GNAI3: variants seen among roughly 807,000 people sequenced by gnomAD.
GNAI3 encodes the protein G protein subunit alpha i3, also known as guanine nucleotide-binding protein G(i) subunit alpha-3.
A neutral mutation model predicts 41.8 loss-of-function variants in GNAI3; 12 were observed. The observed-to-expected ratio is 0.29, with a 90% CI of 0.18 to 0.47. The LOEUF is 0.47. GNAI3 is among the 20% of genes least tolerant of loss of function. The pLI is 1.00. For synonymous variants in GNAI3, 132 were observed against 146.5 expected, an observed-to-expected ratio of 0.90 and a Z score of 0.71; for missense variants, 360 against 429.6, an observed-to-expected ratio of 0.84 and a Z score of 1.43.
At chr1:109,579,755 GCT>G (rs1425311419) in intron 4 of GNAI3, among the ~76,000 whole-genome samples, 1 of 152,182 alleles carries the variant, frequency 6.6e-6, no homozygotes, top group African/African-American at 2.4e-5. Flanking sequence ...TATGCAGCCA[GCT>G]CTCTGTGTCT....
intron 5 of GNAI3, among the ~76,000 whole-genome samples, chr1:109,583,728 G>A (rs1434048481): frequency 2.7e-5 from 4 of 150,752 alleles, no homozygotes; most frequent in South Asian, 2.1e-4. Context: ...GTACAGGTGC[G>A]TTGCACCACG....
chr1:109,591,553 C>T (rs1240778928), intron 7 of GNAI3: 5 of 697,438 alleles, frequency 7.2e-6, no homozygotes, highest in Admixed American at 6.4e-5. Flanking sequence ...GAACGCTTCA[C>T]GAATTTGCGT....
At position 109,567,212 on chromosome 1, in the gene GNAI3, A is replaced by G. The variant is rs182919308; in HGVS notation, c.119-6525A>G. Among the ~76,000 whole-genome samples, 105 of 152,336 alleles carry G rather than the reference A, an allele frequency of 6.9e-4. No homozygotes were observed. In the Middle Eastern group the frequency reaches 0.014, roughly 20 times the overall value. On this transcript the variant is annotated intron_variant, in intron 1 of 8. Coordinates refer to ENST00000369851, the MANE Select transcript of GNAI3 (RefSeq NM_006496.4). ...ACTGACTAAAAGGTTATCTAAAAAT[A>G]GTGCCATACTGGGACTTGGCTGTCC...
At chr1:109,554,080 GT>G (rs1404997017) in intron 1 of GNAI3, among the ~76,000 whole-genome samples, 4 of 4,806 alleles carry the variant, frequency 8.3e-4, no homozygotes, top group African/African-American at 3.3e-3. Context: ...GTGTAGAGGG[GT>G]GTGTGTGTGT....
intron 7 of GNAI3, among the ~76,000 whole-genome samples, chr1:109,589,636 T>C (rs1173517826): frequency 6.6e-6 from 1 of 152,224 alleles, no homozygotes; most frequent in South Asian, 2.1e-4. Flanking sequence ...AATTGTGTTA[T>C]ATACATACAA....
chr1:109,570,593 G>C (rs374596169), intron 1 of GNAI3, among the ~76,000 whole-genome samples: 1 of 152,202 alleles, frequency 6.6e-6, no homozygotes, highest in East Asian at 1.9e-4. Context: ...GGCTGTTCCT[G>C]TGAGGAAGAA....
rs1019893555 is a variant in GNAI3, at chr1:109,594,141, T to C, written c.*1819T>C. The C allele has an allele frequency of 1.3e-5, 2 of 152,550 alleles. No individual in the cohort carries two copies. The highest frequency in any genetic ancestry group is 6.5e-5 in the Admixed American group (1 of 15,274). The allele number at this position is 152,550 out of a possible 1,614,324, so 9.4% of individuals were successfully genotyped here. ...TCTGAAAGAAAATTATCAGCTTCAATTGGCGATTGATTCAGTGCCCACAAT... is the reference window on the plus strand; with the variant it reads ...TCTGAAAGAAAATTATCAGCTTCAACTGGCGATTGATTCAGTGCCCACAAT... On this transcript the variant is annotated 3_prime_UTR_variant, in exon 9 of 9. Coordinates refer to ENST00000369851, the MANE Select transcript of GNAI3 (RefSeq NM_006496.4).
Position 109,600,138 on chromosome 1 carries a change from A to G in GNAI3, c.*7816A>G, listed in dbSNP as rs1649404183. 1 of 152,198 alleles carries G rather than the reference A, an allele frequency of 6.6e-6. No individual in the cohort carries two copies. Among genetic ancestry groups the G allele is most frequent in the Admixed American group, 6.5e-5 (1 of 15,284 alleles). The allele number at this position is 152,198 out of a possible 1,614,324, so 9.4% of individuals were successfully genotyped here. ...TGTTTCTGATCTGGTTACAAAAAAA[A>G]AAAAAACTTGATGGCTTAAAGTAAA... On this transcript the variant is annotated 3_prime_UTR_variant, in exon 9 of 9. Transcript: ENST00000369851.
intron 1 of GNAI3, among the ~76,000 whole-genome samples, chr1:109,567,904 C>G (rs1247653360): frequency 2.0e-5 from 3 of 151,402 alleles, no homozygotes; most frequent in African/African-American, 7.3e-5. Context: ...ATAGTATACT[C>G]ATGTACTTTC....
At chr1:109,551,991 A>G (rs1647992521) in intron 1 of GNAI3, among the ~76,000 whole-genome samples, 1 of 151,984 alleles carries the variant, frequency 6.6e-6, no homozygotes, top group Admixed American at 6.6e-5. Flanking sequence ...GCGAAACCCC[A>G]TCTCTACTAA....
chr1:109,553,357 T>C (rs370105297), intron 1 of GNAI3, among the ~76,000 whole-genome samples: 30 of 152,362 alleles, frequency 2.0e-4, no homozygotes, highest in African/African-American at 7.2e-4. Context: ...AAAAAAACTT[T>C]GTTCTTTGGG....
At chr1:109,591,885 C>G (rs924832491) in intron 7 of GNAI3, among the ~76,000 whole-genome samples, 158 bp from the exon 8 acceptor site, 7 of 152,108 alleles carry the variant, frequency 4.6e-5, no homozygotes, top group Admixed American at 6.5e-5. Context: ...CACGAAGAAC[C>G]TAATTATAGA....
chr1:109,588,324 G>A (rs1649085627), intron 7 of GNAI3, among the ~76,000 whole-genome samples: 1 of 151,216 alleles, frequency 6.6e-6, no homozygotes, highest in East Asian at 2.0e-4. Context: ...AGAGCTTGCA[G>A]TGAGCCGAGA....
intron 1 of GNAI3, among the ~76,000 whole-genome samples, chr1:109,553,506 A>G (rs1196065526): frequency 6.6e-6 from 1 of 152,248 alleles, no homozygotes; most frequent in Non-Finnish European, 1.5e-5. Context: ...ATTATTGAGA[A>G]TAAGACTGCC....
At chr1:109,577,981 T>C (rs924732824) in intron 3 of GNAI3, among the ~76,000 whole-genome samples, 1 of 152,204 alleles carries the variant, frequency 6.6e-6, no homozygotes, top group Non-Finnish European at 1.5e-5. Flanking sequence ...AAATTTTTTA[T>C]TTTTATAGTT....
intron 5 of GNAI3, 125 bp downstream of exon 5, chr1:109,582,690 C>G (rs1648925192): frequency 3.3e-6 from 2 of 603,296 alleles, no homozygotes; most frequent in Non-Finnish European, 6.0e-6. Context: ...ACATATTTAT[C>G]AGCATTGTTT....
At chr1:109,588,250 C>T (rs932558188) in intron 7 of GNAI3, among the ~76,000 whole-genome samples, 3 of 151,870 alleles carry the variant, frequency 2.0e-5, no homozygotes, top group Non-Finnish European at 2.9e-5. Flanking sequence ...GGCTTGGTGG[C>T]AGGCACCTGT....
In GNAI3 at chr1:109,564,505, A is replaced by G. The variant is rs545457747; in HGVS notation, c.119-9232A>G. Among the ~76,000 whole-genome samples the G allele has an allele frequency of 9.2e-4, 140 of 151,922 alleles. 1 individual carries two copies. Among genetic ancestry groups the G allele is most frequent in the African/African-American group, 3.0e-3 (126 of 41,456 alleles). ...TTTCTGTTCTCTTCTCTCCAGACCA[A>G]CCTTCCTCTGAATCTTTTCCTTTGT... On this transcript the variant is annotated intron_variant, in intron 1 of 8. Transcript: ENST00000369851.
rs1649363712 is a variant in GNAI3, at chr1:109,598,277, T to C, written c.*5955T>C. 6.6e-6 allele frequency: 1 copy of C among 152,258 alleles called. No homozygotes were observed. Among genetic ancestry groups the C allele is most frequent in the South Asian group, 2.1e-4 (1 of 4,830 alleles). The allele number at this position is 152,258 out of a possible 1,614,324, so 9.4% of individuals were successfully genotyped here. A position where few individuals can be genotyped will look rare whatever the true frequency, so the allele number is the denominator to read the frequency against. ...TATTCTTGCTCATGTAGGATAAAGG[T>C]CCTGAGACCTCTCAGAATCTTACGA... On this transcript the variant is annotated 3_prime_UTR_variant, in exon 9 of 9. Transcript: ENST00000369851.
Sources: allele counts gnomAD v4.1 joint callset (sites outside exome capture counted in the v4.1 genomes callset), GRCh38; gene constraint gnomAD v4.1.1; transcripts MANE v1.5; gene names NCBI Gene and HGNC (gene_info 2026-07-23, HGNC 2026-07-21).